RPS6KA5: variants seen among roughly 807,000 people sequenced by gnomAD.
RPS6KA5 encodes ribosomal protein S6 kinase A5.
RPS6KA5 carries 27 observed loss-of-function variants against 85.5 expected under a neutral mutation model. The ratio of observed to expected loss-of-function variants is 0.32; its 90% confidence interval spans 0.23 to 0.44. RPS6KA5 has a LOEUF of 0.44. Among genes scored for constraint, RPS6KA5 ranks in the 20% least tolerant of loss-of-function variants. The pLI is 1.00. For synonymous variants in RPS6KA5, 334 were observed against 348.2 expected (o/e 0.96, Z 0.46); for missense variants, 811 against 980.9 (o/e 0.83, Z 2.31).
chr14:91,013,633 CTG>C (rs1456143367), intron 1 of RPS6KA5, among the ~76,000 whole-genome samples: 1 of 152,188 alleles, frequency 6.6e-6, no homozygotes, highest in African/African-American at 2.4e-5. Flanking sequence ...ACAAAAGAAT[CTG>C]TGTTTGATAT....
chr14:90,932,889 C>CT (rs1262264749), intron 5 of RPS6KA5, among the ~76,000 whole-genome samples: 1 of 152,140 alleles, frequency 6.6e-6, no homozygotes, highest in Non-Finnish European at 1.5e-5. Context: ...CTTTTGAGGA[C>CT]TATTCTAACT....
intron 8 of RPS6KA5, among the ~76,000 whole-genome samples, chr14:90,905,118 G>A (rs1178996139): frequency 6.6e-6 from 1 of 152,082 alleles, no homozygotes; most frequent in African/African-American, 2.4e-5. Flanking sequence ...AAGATGTGCA[G>A]TAGTATTATA....
At chr14:91,025,776 C>T (rs978319304) in intron 1 of RPS6KA5, among the ~76,000 whole-genome samples, 31 of 148,292 alleles carry the variant, frequency 2.1e-4, no homozygotes, top group African/African-American at 5.5e-4. Flanking sequence ...CATCTGCCCT[C>T]AGTGGAAAGC....
At chr14:90,873,032 C>T (rs1024199201) in intron 16 of RPS6KA5, among the ~76,000 whole-genome samples, 5 of 152,332 alleles carry the variant, frequency 3.3e-5, no homozygotes, top group Admixed American at 3.3e-4. Flanking sequence ...TGAAGAAGCA[C>T]TATCCCTATA....
chr14:90,916,678 G>GTC (rs1381036806), intron 7 of RPS6KA5, among the ~76,000 whole-genome samples: 2 of 64,232 alleles, frequency 3.1e-5, no homozygotes, highest in Admixed American at 3.0e-4. Flanking sequence ...GTAAATTTCT[G>GTC]TCACACACAC....
chr14:90,865,392 T>C lies in RPS6KA5; in HGVS notation c.*6682A>G, dbSNP rs2032758884. The C allele has an allele frequency of 6.6e-6, 1 of 152,200 alleles. No homozygotes were observed. The highest frequency in any genetic ancestry group is 2.4e-5 in the African/African-American group (1 of 41,438). 9.4% of individuals were successfully genotyped at this position (152,200 alleles called of 1,614,324 possible). On this transcript the variant is annotated 3_prime_UTR_variant, in exon 17 of 17. Transcript: ENST00000614987. ...ATGCATTTCACAGACATAATGCTGA[T>C]CAAATTAAACCAGACACAAAAACCT...
chr14:91,030,453 T>A (rs1399648210), intron 1 of RPS6KA5, among the ~76,000 whole-genome samples: 1 of 151,748 alleles, frequency 6.6e-6, no homozygotes, highest in Non-Finnish European at 1.5e-5. Context: ...TTGTTGATAT[T>A]GACATATGGA....
intron 1 of RPS6KA5, among the ~76,000 whole-genome samples, chr14:91,026,419 C>T (rs113438227): frequency 4.6e-5 from 7 of 151,950 alleles, no homozygotes; most frequent in South Asian, 2.1e-4. Context: ...CCAGTAGAGA[C>T]GAGGTCTCAC....
At chr14:91,042,450 GC>G (rs1204725363) in intron 1 of RPS6KA5, among the ~76,000 whole-genome samples, 10 of 152,092 alleles carry the variant, frequency 6.6e-5, no homozygotes, top group Non-Finnish European at 1.2e-4. Context: ...GGCAGAGGTT[GC>G]AGTGAGCTGA....
At chr14:91,028,508 G>A (rs1439657298) in intron 1 of RPS6KA5, among the ~76,000 whole-genome samples, 1 of 151,660 alleles carries the variant, frequency 6.6e-6, no homozygotes, top group African/African-American at 2.4e-5. Context: ...GAGCCACCAT[G>A]CCCAGCCTTA....
intron 8 of RPS6KA5, among the ~76,000 whole-genome samples, chr14:90,905,771 G>A (rs1255315751): frequency 1.3e-5 from 2 of 152,106 alleles, no homozygotes; most frequent in Non-Finnish European, 1.5e-5. Flanking sequence ...GGCAGTAATA[G>A]CTCATGAACT....
intron 13 of RPS6KA5, among the ~76,000 whole-genome samples, chr14:90,892,369 C>G (rs2034611818): frequency 6.6e-6 from 1 of 152,142 alleles, no homozygotes; most frequent in South Asian, 2.1e-4. Context: ...GACTTTAATC[C>G]ATTCCTCCTA....
chr14:90,910,685 ATTT>A (rs202000247), intron 7 of RPS6KA5, among the ~76,000 whole-genome samples: 5,456 of 147,630 alleles, frequency 0.037, 130 homozygotes, highest in Middle Eastern at 0.054. Context: ...CATTATTATT[ATTT>A]TTTTTTTTTT....
At chr14:90,993,176 T>C (rs1566837936) in intron 2 of RPS6KA5, among the ~76,000 whole-genome samples, 1 of 152,188 alleles carries the variant, frequency 6.6e-6, no homozygotes, top group African/African-American at 2.4e-5. Flanking sequence ...GCGTGGTGGC[T>C]CACACCTGTA....
intron 3 of RPS6KA5, among the ~76,000 whole-genome samples, chr14:90,952,797 A>T (rs2038275478): frequency 6.6e-6 from 1 of 152,250 alleles, no homozygotes; most frequent in South Asian, 2.1e-4. Flanking sequence ...GGTAGGGAAG[A>T]TAATTTATCC....
At chr14:90,937,751 AAC>A (rs1373741187) in intron 5 of RPS6KA5, among the ~76,000 whole-genome samples, 1 of 152,170 alleles carries the variant, frequency 6.6e-6, no homozygotes, top group Non-Finnish European at 1.5e-5. Flanking sequence ...CCGTTTTTTA[AAC>A]AGTCAGATCT....
At chr14:90,945,120 C>A (rs189348760) in intron 4 of RPS6KA5, among the ~76,000 whole-genome samples, 49 of 151,752 alleles carry the variant, frequency 3.2e-4, no homozygotes, top group Admixed American at 6.6e-4. Flanking sequence ...GGTGTGGTTG[C>A]GCATGCCTGT....
Position 91,060,635 on chromosome 14 carries a change from G to A in RPS6KA5, c.-201C>T. 3 of 662,694 alleles carry A rather than the reference G, an allele frequency of 4.5e-6. No homozygotes were observed. The highest frequency in any genetic ancestry group is 6.4e-6 in the Non-Finnish European group (3 of 470,404). The allele number at this position is 662,694 out of a possible 1,614,324, so 41.1% of individuals were successfully genotyped here. A position where few individuals can be genotyped will look rare whatever the true frequency, so the allele number is the denominator to read the frequency against. ...CCTCCCCCTTCGGCGGGCACCGCTAGTACCGCGCAACCAAACCGCCCCCTG... is the reference window on the plus strand; with the variant it reads ...CCTCCCCCTTCGGCGGGCACCGCTAATACCGCGCAACCAAACCGCCCCCTG... On this transcript the variant is annotated 5_prime_UTR_variant, in exon 1 of 17. Transcript: ENST00000614987.
At chr14:90,973,798 AGGCCAAGGCGTGC>A (rs2039431301) in intron 3 of RPS6KA5, among the ~76,000 whole-genome samples, 1 of 152,146 alleles carries the variant, frequency 6.6e-6, no homozygotes, top group African/African-American at 2.4e-5. Context: ...GCACTTTGGG[AGGCCAAGGCGTGC>A]GGATCACCTG....
Sources: allele counts gnomAD v4.1 joint callset (sites outside exome capture counted in the v4.1 genomes callset), GRCh38; gene constraint gnomAD v4.1.1; transcripts MANE v1.5; gene names NCBI Gene and HGNC (gene_info 2026-07-23, HGNC 2026-07-21).